CSMD1: variants seen among roughly 807,000 people sequenced by gnomAD.
The protein encoded by CSMD1 is CUB and sushi domain-containing protein 1.
Under a neutral mutation model 417.5 loss-of-function variants are expected in CSMD1, and 213 were observed. That is an observed-to-expected ratio of 0.51 (90% CI 0.46 to 0.57). The LOEUF (loss-of-function observed/expected upper bound fraction) is 0.57, where lower values mean the gene tolerates loss of function less well. Among genes scored for constraint, CSMD1 ranks in the 20% least tolerant of loss-of-function variants. The pLI, the probability that CSMD1 is intolerant of heterozygous loss-of-function variation, is 0.00. For synonymous variants in CSMD1, 2,862 were observed against 1,736.8 expected, an observed-to-expected ratio of 1.65 and a Z score of -16.11; for missense variants, 6,923 against 4,529.7, an observed-to-expected ratio of 1.53 and a Z score of -15.17.
chr8:3,877,415 A>T (rs1805897781), intron 5 of CSMD1, among the ~76,000 whole-genome samples: 1 of 152,200 alleles, frequency 6.6e-6, no homozygotes, highest in Non-Finnish European at 1.5e-5. Flanking sequence ...ACAGGCTCAG[A>T]AGCGGAGTCT....
At chr8:3,987,181 C>T (rs936404488) in intron 5 of CSMD1, among the ~76,000 whole-genome samples, 2 of 152,192 alleles carry the variant, frequency 1.3e-5, no homozygotes, top group African/African-American at 4.8e-5. Flanking sequence ...AGTATATACA[C>T]TTCTTACTTT....
intron 63 of CSMD1, among the ~76,000 whole-genome samples, chr8:2,956,255 A>G (rs1383545525): frequency 6.6e-6 from 1 of 152,056 alleles, no homozygotes; most frequent in African/African-American, 2.4e-5. Flanking sequence ...AATTATTTTG[A>G]TAAAACTTTA....
At chr8:3,271,471 A>G (rs946857998) in intron 26 of CSMD1, among the ~76,000 whole-genome samples, 10 of 148,250 alleles carry the variant, frequency 6.7e-5, no homozygotes, top group Admixed American at 6.1e-4. Flanking sequence ...GTCAAATGGT[A>G]TTTCTAGTTC....
chr8:4,335,676 T>C (rs1215883963), intron 3 of CSMD1, among the ~76,000 whole-genome samples: 1 of 152,126 alleles, frequency 6.6e-6, no homozygotes, highest in African/African-American at 2.4e-5. Flanking sequence ...TGAAGTATAT[T>C]GTGCAAAATT....
At chr8:4,582,614 G>A (rs966673694) in intron 2 of CSMD1, among the ~76,000 whole-genome samples, 17 of 152,226 alleles carry the variant, frequency 1.1e-4, no homozygotes, top group African/African-American at 4.1e-4. Context: ...ACATTAGCAA[G>A]GATGCACCTG....
chr8:3,541,586 AAAAAT>A (rs1270467430), intron 10 of CSMD1, among the ~76,000 whole-genome samples: 1 of 140,348 alleles, frequency 7.1e-6, no homozygotes, highest in Non-Finnish European at 1.6e-5. Flanking sequence ...AAAATAAAAT[AAAAAT>A]AAAATACTCT....
chr8:3,075,229 T>G (rs1281907566), intron 49 of CSMD1, among the ~76,000 whole-genome samples: 1 of 152,034 alleles, frequency 6.6e-6, no homozygotes, highest in Non-Finnish European at 1.5e-5. Flanking sequence ...CCTCTTTTCT[T>G]TATAAATTAC....
intron 7 of CSMD1, among the ~76,000 whole-genome samples, chr8:3,697,676 G>A (rs376032305): frequency 6.6e-5 from 10 of 152,084 alleles, no homozygotes; most frequent in Non-Finnish European, 1.5e-4. Context: ...TCCTCCAGAG[G>A]TTCAGAGATT....
At chr8:3,194,868 G>A (rs1031874177) in intron 33 of CSMD1, among the ~76,000 whole-genome samples, 2 of 152,076 alleles carry the variant, frequency 1.3e-5, no homozygotes, top group African/African-American at 4.8e-5. Flanking sequence ...GGATGCAGGT[G>A]CTGCTTCAGG....
At chr8:4,776,593 C>T (rs149047688) in intron 1 of CSMD1, among the ~76,000 whole-genome samples, 5 of 152,192 alleles carry the variant, frequency 3.3e-5, no homozygotes, top group South Asian at 2.1e-4. Context: ...TAAACGTTCG[C>T]GTTCAATGAT....
At chr8:4,925,599 T>G (rs987792769) in intron 1 of CSMD1, among the ~76,000 whole-genome samples, 1 of 151,172 alleles carries the variant, frequency 6.6e-6, no homozygotes, top group African/African-American at 2.4e-5. Flanking sequence ...CAGGCTGGAG[T>G]GCAGTGGTGC....
At chr8:3,966,509 A>T (rs951452746) in intron 5 of CSMD1, among the ~76,000 whole-genome samples, 9 of 152,160 alleles carry the variant, frequency 5.9e-5, no homozygotes, top group Non-Finnish European at 1.3e-4. Context: ...CAGGAGAATC[A>T]GTTCCTGGGA....
intron 3 of CSMD1, among the ~76,000 whole-genome samples, chr8:4,068,788 A>G (rs1016092868): frequency 6.6e-6 from 1 of 152,228 alleles, no homozygotes; most frequent in Non-Finnish European, 1.5e-5. Flanking sequence ...AGAATATTAC[A>G]TAATAAAACT....
intron 5 of CSMD1, among the ~76,000 whole-genome samples, chr8:3,899,512 G>A (rs1179434870): frequency 1.3e-5 from 2 of 152,144 alleles, no homozygotes; most frequent in African/African-American, 2.4e-5. Flanking sequence ...CCTCATTTTG[G>A]ATGCTGTCAT....
intron 5 of CSMD1, among the ~76,000 whole-genome samples, chr8:3,891,469 C>G (rs868701894): frequency 6.6e-6 from 1 of 152,074 alleles, no homozygotes; most frequent in Admixed American, 6.6e-5. Flanking sequence ...TTCCTGTATA[C>G]AGGAGTTTGA....
At chr8:3,815,890 T>C (rs1330344241) in intron 5 of CSMD1, among the ~76,000 whole-genome samples, 1 of 152,180 alleles carries the variant, frequency 6.6e-6, no homozygotes, top group Non-Finnish European at 1.5e-5. Flanking sequence ...TTACACTAAA[T>C]TATCATCAAG....
At chr8:3,515,117 A>T (rs970255498) in intron 10 of CSMD1, 1 of 152,246 alleles carries the variant, frequency 6.6e-6, no homozygotes, top group Non-Finnish European at 1.5e-5. Flanking sequence ...TCAGTCATTA[A>T]TGTTATAATT....
chr8:4,381,731 T>G (rs919441188), intron 3 of CSMD1, among the ~76,000 whole-genome samples: 1 of 152,188 alleles, frequency 6.6e-6, no homozygotes, highest in Admixed American at 6.5e-5. Flanking sequence ...TGGATGGACT[T>G]TAGGCTTCGA....
intron 10 of CSMD1, among the ~76,000 whole-genome samples, chr8:3,551,119 T>C (rs986949903): frequency 1.1e-4 from 16 of 152,190 alleles, no homozygotes; most frequent in Non-Finnish European, 1.5e-4. Context: ...TTGACCTCTT[T>C]GTGATTCAGT....
Sources: gnomAD v4.1 joint callset for allele counts (sites outside exome capture counted in the v4.1 genomes callset) on GRCh38, gnomAD v4.1.1 for gene constraint, MANE v1.5 for transcripts, NCBI Gene and HGNC (gene_info 2026-07-23, HGNC 2026-07-21) for gene names.